Variants in ADGRD1 observed in about 807,000 individuals in gnomAD.
The protein encoded by ADGRD1 is adhesion G protein-coupled receptor D1.
A neutral mutation model predicts 113.4 loss-of-function variants in ADGRD1; 77 were observed. The ratio of observed to expected loss-of-function variants is 0.68; its 90% CI spans 0.57 to 0.82. The LOEUF (loss-of-function observed/expected upper bound fraction) is 0.82, where lower values mean the gene tolerates loss of function less well. ADGRD1 is among the 40% of genes least tolerant of loss of function. The pLI is 0.00. For missense variants in ADGRD1, 1,036 were observed against 1,139.1 expected (o/e 0.91, Z 1.30); for synonymous variants, 474 against 475.0 (o/e 1.00, Z 0.03).
intron 8 of ADGRD1, among the ~76,000 whole-genome samples, chr12:130,997,706 C>T (rs957210643): frequency 2.0e-5 from 3 of 151,524 alleles, no homozygotes; most frequent in African/African-American, 7.3e-5. Context: ...CAGAGACGCT[C>T]CTCACTTTCC....
At chr12:131,018,770 C>T (rs536073356) in intron 13 of ADGRD1, among the ~76,000 whole-genome samples, 2 of 152,172 alleles carry the variant, frequency 1.3e-5, no homozygotes, top group South Asian at 2.1e-4. Flanking sequence ...TTGACATTCT[C>T]GTGGAACTTC....
At chr12:131,012,563 T>C (rs561616971) in intron 12 of ADGRD1, among the ~76,000 whole-genome samples, 8 of 152,188 alleles carry the variant, frequency 5.3e-5, no homozygotes, top group Non-Finnish European at 1.0e-4. Context: ...GCGTGCTTCT[T>C]GGAGGCCTGC....
chr12:131,062,410 A>G (rs1253153463), intron 13 of ADGRD1, among the ~76,000 whole-genome samples: 1 of 152,194 alleles, frequency 6.6e-6, no homozygotes, highest in Non-Finnish European at 1.5e-5. Context: ...TGTGGACATA[A>G]GTTTACGTTT....
In ADGRD1 at chr12:130,992,109, A is replaced by C. The variant is rs569732966; in HGVS notation, c.811-128A>C. The C allele has an allele frequency of 1.9e-3, 1,317 of 681,876 alleles. 12 individuals are homozygous for C. The African/African-American group carries it at 0.024, about 12-fold the overall frequency. 42.2% of individuals were successfully genotyped at this position (681,876 alleles called of 1,614,324 possible). The stretch of plus-strand genomic sequence containing the variant: ...GCACTCCAGCCTGGGCAACAGAGCA[A>C]GACTCAGTCTCAAAAAAAAAAAAAA... On this transcript the variant is annotated intron_variant, in intron 7 of 24. Coordinates refer to ENST00000261654, the MANE Select transcript of ADGRD1 (RefSeq NM_198827.5).
rs1887038457 is a variant in ADGRD1, at chr12:131,093,316, TG to T, written c.1671+8654del. On this transcript the variant is annotated intron_variant, in intron 15 of 24. Transcript: ENST00000261654. ...GAGGAGTCCGTGTCCTGAAACCAACTGCAGGCTTTTCTGGGCATTTCTAAAT... is the reference window on the plus strand; with the variant it reads ...GAGGAGTCCGTGTCCTGAAACCAACTCAGGCTTTTCTGGGCATTTCTAAAT... Among the ~76,000 whole-genome samples the T allele has an allele frequency of 2.0e-5, 3 of 152,256 alleles. No homozygotes were observed. The East Asian group carries it at 5.8e-4, about 29-fold the overall frequency.
chr12:130,981,100 A>G (rs970804918), intron 4 of ADGRD1: 2 of 152,272 alleles, frequency 1.3e-5, no homozygotes, highest in African/African-American at 4.8e-5. Flanking sequence ...CAACAACCTT[A>G]AAAGTGTGCT....
At chr12:131,005,688 G>C (rs1877002536) in intron 11 of ADGRD1, among the ~76,000 whole-genome samples, 1 of 152,142 alleles carries the variant, frequency 6.6e-6, no homozygotes, top group Admixed American at 6.5e-5. Flanking sequence ...GGGGCTCTGA[G>C]ACCGTGTGAT....
In ADGRD1 at chr12:131,003,151, A is replaced by AT. The variant is rs1182275689; in HGVS notation, c.1027-30dup. The AT allele has an allele frequency of 3.2e-6, 5 of 1,552,428 alleles. No homozygotes were observed. The highest frequency in any genetic ancestry group is 4.4e-6 in the Non-Finnish European group (5 of 1,124,324). On this transcript the variant is annotated intron_variant, in intron 9 of 24. Transcript: ENST00000261654. This position sits in a 1 kb window ranked among gnomAD's most constrained non-coding sequence, Gnocchi z 4.8. ...CTGGTGCCCTGGCTGAGTGGGGTGGATTTTCATGGCTCCTGGTGCTTGTGT... is the reference window on the plus strand; with the variant it reads ...CTGGTGCCCTGGCTGAGTGGGGTGGATTTTTCATGGCTCCTGGTGCTTGTGT...
At chr12:130,987,064 A>C in intron 5 of ADGRD1, 31 bp from the exon 6 acceptor site, 3 of 1,607,946 alleles carry the variant, frequency 1.9e-6, no homozygotes, top group Non-Finnish European at 2.6e-6. Flanking sequence ...TTCCCACAGT[A>C]CTCAGAATGG....
chr12:131,007,411 T>C (rs1464656700), intron 12 of ADGRD1, among the ~76,000 whole-genome samples: 3 of 152,242 alleles, frequency 2.0e-5, no homozygotes, highest in Non-Finnish European at 2.9e-5. Context: ...TGCAGATCTT[T>C]GCCAGACCCT....
At chr12:131,093,853 G>T (rs2398547) in intron 15 of ADGRD1, among the ~76,000 whole-genome samples, 108 of 152,190 alleles carry the variant, frequency 7.1e-4, no homozygotes, top group African/African-American at 2.5e-3. Context: ...CAGTTTCCCC[G>T]CTGTGACATG....
At chr12:130,959,698 T>C (rs1324665302) in intron 2 of ADGRD1, among the ~76,000 whole-genome samples, 1 of 152,186 alleles carries the variant, frequency 6.6e-6, no homozygotes, top group Non-Finnish European at 1.5e-5. Flanking sequence ...CTGTTTTGGC[T>C]TGTATTACCT....
intron 13 of ADGRD1, among the ~76,000 whole-genome samples, chr12:131,051,544 C>T (rs113402767): frequency 0.051 from 7,594 of 150,044 alleles, 674 homozygotes; most frequent in African/African-American, 0.18. Flanking sequence ...AGGGCAGTGG[C>T]GATATCTTGG....
At position 130,971,394 on chromosome 12, in the gene ADGRD1, A is replaced by G; in HGVS notation, c.188-64A>G. Reference sequence around the variant, plus strand: ...CATAAGTTATTTGTAGGTCTGACACACATCTTCAGACTTTTAATCTCGGAA... The same window carrying G: ...CATAAGTTATTTGTAGGTCTGACACGCATCTTCAGACTTTTAATCTCGGAA... On this transcript the variant is annotated intron_variant, in intron 3 of 24. Transcript: ENST00000261654. This position sits in a 1 kb window ranked among gnomAD's most constrained non-coding sequence, Gnocchi z 4.2. 5 of 1,403,648 alleles carry G rather than the reference A, an allele frequency of 3.6e-6. No homozygotes were observed. The highest frequency in any genetic ancestry group is 2.0e-6 in the Non-Finnish European group (2 of 1,006,846). The allele number at this position is 1,403,648 out of a possible 1,614,324, so 86.9% of individuals were successfully genotyped here.
At chr12:131,138,779 G>C (rs894100762) in intron 24 of ADGRD1, among the ~76,000 whole-genome samples, 1 of 152,236 alleles carries the variant, frequency 6.6e-6, no homozygotes, top group African/African-American at 2.4e-5. Context: ...CTGGCTCATG[G>C]GCTGCTCTAG....
intron 21 of ADGRD1, among the ~76,000 whole-genome samples, chr12:131,132,928 G>C (rs1211244941): frequency 6.6e-6 from 1 of 152,234 alleles, no homozygotes; most frequent in Non-Finnish European, 1.5e-5. Context: ...TGGCAAATAT[G>C]TCAGCAGCGA....
intron 15 of ADGRD1, among the ~76,000 whole-genome samples, chr12:131,094,922 G>C (rs1383731575): frequency 6.6e-6 from 1 of 152,176 alleles, no homozygotes; most frequent in East Asian, 1.9e-4. Context: ...GGGAGGCGCA[G>C]GGGCATGCGT....
chr12:131,136,403 G>T (rs1951087301), intron 22 of ADGRD1, among the ~76,000 whole-genome samples: 1 of 152,260 alleles, frequency 6.6e-6, no homozygotes, highest in Admixed American at 6.5e-5. Context: ...GGCATGTCCT[G>T]GCTGGGAATG....
At chr12:131,036,401 A>T (rs2136954598) in intron 13 of ADGRD1, among the ~76,000 whole-genome samples, 1 of 148,472 alleles carries the variant, frequency 6.7e-6, no homozygotes. Context: ...TACTCACTGC[A>T]CCAGGGTCTT....
Sources: gnomAD v4.1 joint callset for allele counts (sites outside exome capture counted in the v4.1 genomes callset) on GRCh38, gnomAD v4.1.1 for gene constraint, Gnocchi (gnomAD v3.1) non-coding constraint, MANE v1.5 for transcripts, NCBI Gene and HGNC (gene_info 2026-07-23, HGNC 2026-07-21) for gene names.